IMMP2L: variants seen among roughly 807,000 people sequenced by gnomAD.
IMMP2L encodes mitochondrial inner membrane protease subunit 2.
IMMP2L carries 18 observed loss-of-function variants against 19.3 expected under a neutral mutation model. The ratio of observed to expected loss-of-function variants is 0.93; its 90% confidence interval spans 0.64 to 1.38. IMMP2L has a LOEUF of 1.38. Among genes scored for constraint, IMMP2L ranks in the 40% most tolerant of loss-of-function variants. IMMP2L has a pLI of 0.00. For synonymous variants in IMMP2L, 76 were observed against 73.0 expected, an observed-to-expected ratio of 1.04 and a Z score of -0.21; for missense variants, 233 against 218.2, an observed-to-expected ratio of 1.07 and a Z score of -0.43.
intron 1 of IMMP2L, among the ~76,000 whole-genome samples, chr7:111,532,117 C>T (rs898470264): frequency 3.3e-5 from 5 of 151,942 alleles, no homozygotes; most frequent in South Asian, 2.1e-4. Flanking sequence ...AAGAAGGGTA[C>T]AAAATATTAG....
intron 3 of IMMP2L, among the ~76,000 whole-genome samples, chr7:111,012,649 C>A (rs114392244): frequency 8.0e-4 from 122 of 152,270 alleles, no homozygotes; most frequent in African/African-American, 2.7e-3. Context: ...TTATACATTA[C>A]ATATGTGGTA....
chr7:111,222,033 G>C (rs1256743081), intron 3 of IMMP2L, among the ~76,000 whole-genome samples: 1 of 151,860 alleles, frequency 6.6e-6, no homozygotes, highest in Non-Finnish European at 1.5e-5. Context: ...TAATTACAAA[G>C]TAAATGGGGA....
At chr7:110,864,092 C>T (rs1159342290) in intron 5 of IMMP2L, among the ~76,000 whole-genome samples, 4 of 152,048 alleles carry the variant, frequency 2.6e-5, no homozygotes, top group African/African-American at 9.7e-5. Context: ...AATAATATAG[C>T]TAATTGTATT....
chr7:111,335,746 T>C (rs921999516), intron 3 of IMMP2L, among the ~76,000 whole-genome samples: 2 of 152,170 alleles, frequency 1.3e-5, no homozygotes, highest in Non-Finnish European at 2.9e-5. Flanking sequence ...ACATTTATTG[T>C]GACATGATGA....
intron 3 of IMMP2L, among the ~76,000 whole-genome samples, chr7:111,399,740 T>C (rs1833245110): frequency 6.6e-6 from 1 of 152,098 alleles, no homozygotes; most frequent in African/African-American, 2.4e-5. Flanking sequence ...TAACATTTCC[T>C]ACCTTTTAAA....
At chr7:111,182,704 T>G (rs1213441146) in intron 3 of IMMP2L, among the ~76,000 whole-genome samples, 1 of 151,926 alleles carries the variant, frequency 6.6e-6, no homozygotes, top group Non-Finnish European at 1.5e-5. Context: ...ATGTGAAATC[T>G]AAGGGAGTCA....
At position 111,438,327 on chromosome 7, in the gene IMMP2L, A is replaced by T. The variant is rs538341871; in HGVS notation, c.239+48911T>A. ...CCATTTTTATGTTCTTAAACATCTAAAATTATAGAACTACATTTTTTTATA... is the reference window on the plus strand; with the variant it reads ...CCATTTTTATGTTCTTAAACATCTATAATTATAGAACTACATTTTTTTATA... On this transcript the variant is annotated intron_variant, in intron 3 of 5. Coordinates refer to ENST00000405709, the MANE Select transcript of IMMP2L (RefSeq NM_032549.4). 8.6e-5 allele frequency among the ~76,000 whole-genome samples: 13 copies of T among 151,910 alleles called. No homozygotes were observed. In the South Asian group the frequency reaches 2.7e-3, roughly 31 times the overall value.
At chr7:111,211,114 C>T (rs972016542) in intron 3 of IMMP2L, among the ~76,000 whole-genome samples, 1 of 151,952 alleles carries the variant, frequency 6.6e-6, no homozygotes, top group Non-Finnish European at 1.5e-5. Flanking sequence ...AGAAGAAATA[C>T]AAGAAAACTA....
chr7:111,293,820 A>C (rs1280905578), intron 3 of IMMP2L, among the ~76,000 whole-genome samples: 2 of 151,908 alleles, frequency 1.3e-5, no homozygotes, highest in African/African-American at 4.8e-5. Context: ...GGGAAATTGA[A>C]GCTTAGAGAA....
At chr7:111,011,552 C>A (rs1220002691) in intron 3 of IMMP2L, among the ~76,000 whole-genome samples, 1 of 152,048 alleles carries the variant, frequency 6.6e-6, no homozygotes, top group African/African-American at 2.4e-5. Flanking sequence ...AAATGGAGAG[C>A]CTGTGGCCTT....
chr7:110,921,230 C>T (rs544004089), intron 4 of IMMP2L, among the ~76,000 whole-genome samples: 8 of 152,256 alleles, frequency 5.3e-5, no homozygotes, highest in East Asian at 3.9e-4. Context: ...CATTTTTTCA[C>T]GATTCAATTC....
At chr7:111,225,466 G>A (rs1039758912) in intron 3 of IMMP2L, among the ~76,000 whole-genome samples, 1 of 151,988 alleles carries the variant, frequency 6.6e-6, no homozygotes, top group Admixed American at 6.6e-5. Flanking sequence ...ATGGGTAAAA[G>A]ATTTATTCAA....
intron 3 of IMMP2L, among the ~76,000 whole-genome samples, chr7:110,973,879 C>T (rs75775155): frequency 0.071 from 10,747 of 152,070 alleles, 491 homozygotes; most frequent in East Asian, 0.16. Flanking sequence ...CATTCCATTG[C>T]TCAAACATGA....
At chr7:111,240,408 G>A (rs769655470) in intron 3 of IMMP2L, among the ~76,000 whole-genome samples, 3 of 151,936 alleles carry the variant, frequency 2.0e-5, no homozygotes, top group East Asian at 1.9e-4. Flanking sequence ...TAGTGTTAGA[G>A]ATGTTTACAA....
At chr7:111,340,601 C>T (rs188381908) in intron 3 of IMMP2L, among the ~76,000 whole-genome samples, 1 of 151,982 alleles carries the variant, frequency 6.6e-6, no homozygotes, top group Non-Finnish European at 1.5e-5. Context: ...AGGAAGTCCA[C>T]TCCTAGATTT....
At chr7:111,527,439 T>G (rs1444740328) in intron 1 of IMMP2L, among the ~76,000 whole-genome samples, 1 of 150,566 alleles carries the variant, frequency 6.6e-6, no homozygotes, top group Non-Finnish European at 1.5e-5. Context: ...GGGGGTAGAT[T>G]TAATATCTAA....
chr7:111,226,546 A>G (rs559675735), intron 3 of IMMP2L, among the ~76,000 whole-genome samples: 3 of 152,186 alleles, frequency 2.0e-5, no homozygotes, highest in Admixed American at 6.6e-5. Context: ...AACCTCTGAG[A>G]GCTAGCAACA....
At chr7:111,534,043 T>C (rs2132840975) in intron 1 of IMMP2L, among the ~76,000 whole-genome samples, 1 of 152,084 alleles carries the variant, frequency 6.6e-6, no homozygotes, top group South Asian at 2.1e-4. Flanking sequence ...TAAAAAGATG[T>C]ACAAACACAC....
chr7:110,897,159 A>G (rs1811406769), intron 4 of IMMP2L, among the ~76,000 whole-genome samples: 1 of 152,186 alleles, frequency 6.6e-6, no homozygotes, highest in Admixed American at 6.6e-5. Flanking sequence ...ATGCTGTAAA[A>G]TAACATACGA....
Sources: gnomAD v4.1 joint callset for allele counts (sites outside exome capture counted in the v4.1 genomes callset) on GRCh38, gnomAD v4.1.1 for gene constraint, MANE v1.5 for transcripts, NCBI Gene and HGNC (gene_info 2026-07-23, HGNC 2026-07-21) for gene names.